The following ANXA8 variants were observed in gnomAD, a reference collection of about 807,000 sequenced individuals.
The protein encoded by ANXA8 is VAC-beta.
In ANXA8, 9 loss-of-function variants were observed where a neutral mutation model predicts 26.8. The observed-to-expected ratio is 0.34, with a 90% confidence interval of 0.20 to 0.59. The LOEUF (loss-of-function observed/expected upper bound fraction) is 0.59. Among genes scored for constraint, ANXA8 ranks in the 20% least tolerant of loss-of-function variants. The probability of loss-of-function intolerance (pLI) is 0.84; values close to 1 mark genes in which losing one functional copy is unlikely to be tolerated. For missense variants in ANXA8, 83 were observed against 238.5 expected, an observed-to-expected ratio of 0.35 and a Z score of 4.29; for synonymous variants, 39 against 94.8, an observed-to-expected ratio of 0.41 and a Z score of 3.42.
At chr10:47,769,720 G>T in the ANXA8 span, among the ~76,000 whole-genome samples, 1 of 152,308 alleles carries the variant, frequency 6.6e-6, no homozygotes, top group African/African-American at 2.4e-5. Flanking sequence ...TGGGAAGGCT[G>T]TTCTTTGGTT....
At chr10:47,658,012 G>A in the ANXA8 span, among the ~76,000 whole-genome samples, 41 of 151,812 alleles carry the variant, frequency 2.7e-4, no homozygotes, top group African/African-American at 9.0e-4. Context: ...GGTTTAAATC[G>A]TCTCTAGAAC....
the ANXA8 span, among the ~76,000 whole-genome samples, chr10:47,756,582 G>A: frequency 6.7e-6 from 1 of 149,894 alleles, no homozygotes; most frequent in African/African-American, 2.4e-5. Flanking sequence ...TGTACAGAGG[G>A]CTAAGATTTG....
chr10:47,688,384 G>C, the ANXA8 span, among the ~76,000 whole-genome samples: 1 of 147,076 alleles, frequency 6.8e-6, no homozygotes, highest in African/African-American at 2.5e-5. Context: ...CAAAGTGCTG[G>C]GATTACCGGT....
At chr10:47,646,328 A>G in the ANXA8 span, among the ~76,000 whole-genome samples, 1 of 140,764 alleles carries the variant, frequency 7.1e-6, no homozygotes, top group Non-Finnish European at 1.5e-5. Context: ...AGAGATAGCT[A>G]GCTACTCTCC....
chr10:47,948,759 T>C, the ANXA8 span, among the ~76,000 whole-genome samples: 1 of 151,004 alleles, frequency 6.6e-6, no homozygotes, highest in Non-Finnish European at 1.5e-5. Flanking sequence ...CCATCCATGA[T>C]GCTCAATAGA....
At chr10:47,680,367 G>A in the ANXA8 span, among the ~76,000 whole-genome samples, 1 of 151,924 alleles carries the variant, frequency 6.6e-6, no homozygotes, top group African/African-American at 2.4e-5. Context: ...CGGCGTGGTG[G>A]CTCATGCTGG....
chr10:47,763,734 G>T, the ANXA8 span: 3 of 149,326 alleles, frequency 2.0e-5, no homozygotes, highest in Admixed American at 2.0e-4. Context: ...GCCTCGAGGC[G>T]TCTGAGTGGG....
the ANXA8 span, among the ~76,000 whole-genome samples, chr10:47,676,465 A>G: frequency 6.6e-6 from 1 of 151,894 alleles, no homozygotes; most frequent in Non-Finnish European, 1.5e-5. Flanking sequence ...GAGCAACAGG[A>G]GAATAAAAGA....
chr10:47,743,751 G>C, the ANXA8 span, among the ~76,000 whole-genome samples: 1 of 150,420 alleles, frequency 6.6e-6, no homozygotes, highest in Non-Finnish European at 1.5e-5. Flanking sequence ...CGCTCTGCCA[G>C]CACCCCACGC....
the ANXA8 span, chr10:47,563,694 C>T: frequency 2.6e-5 from 21 of 803,108 alleles, no homozygotes; most frequent in South Asian, 2.3e-4. Flanking sequence ...GGTAGGTGAT[C>T]GCTTTTCTTG....
the ANXA8 span, among the ~76,000 whole-genome samples, chr10:47,767,819 G>T: frequency 4.0e-5 from 6 of 150,490 alleles, no homozygotes; most frequent in African/African-American, 1.2e-4. Flanking sequence ...AGCTAAGTCT[G>T]GGGCCATGGA....
chr10:47,469,293 T>TGAGAGTGAGGCA (rs1839232433), intron 11 of ANXA8, among the ~76,000 whole-genome samples: 1 of 151,504 alleles, frequency 6.6e-6, no homozygotes, highest in Admixed American at 6.6e-5. Context: ...GAATCAAGGC[T>TGAGAGTGAGGCA]GAGAGTGAGG....
the ANXA8 span, among the ~76,000 whole-genome samples, chr10:47,624,953 G>T: frequency 4.8e-5 from 1 of 20,982 alleles, no homozygotes; most frequent in South Asian, 2.6e-3. Context: ...TTGCTTGCTT[G>T]CATAAAAGCC....
chr10:47,950,318 C>G, the ANXA8 span, among the ~76,000 whole-genome samples: 1 of 152,108 alleles, frequency 6.6e-6, no homozygotes, highest in Non-Finnish European at 1.5e-5. Context: ...ATACTTGTTT[C>G]TCAGTAACTT....
chr10:47,485,589 T>C (rs1238511), upstream of ANXA8, among the ~76,000 whole-genome samples: 150,650 of 152,080 alleles, frequency 0.99, 74,621 homozygotes, highest in Middle Eastern at 1. Context: ...AACACCTTTT[T>C]TTCTCATTTC....
At chr10:47,703,340 G>T in the ANXA8 span, among the ~76,000 whole-genome samples, 1 of 151,730 alleles carries the variant, frequency 6.6e-6, no homozygotes, top group Admixed American at 6.6e-5. Context: ...GGCTGAGGCA[G>T]GTGGGTGGCT....
chr10:47,625,788 G>A, the ANXA8 span, among the ~76,000 whole-genome samples: 9 of 150,450 alleles, frequency 6.0e-5, no homozygotes, highest in Admixed American at 5.9e-4. Flanking sequence ...GTTATTCGCC[G>A]TAGCCACCAT....
the ANXA8 span, among the ~76,000 whole-genome samples, chr10:47,741,904 G>A: frequency 3.5e-5 from 4 of 114,940 alleles, no homozygotes; most frequent in Admixed American, 1.0e-4. Context: ...GCAATGGCAC[G>A]ATCTTGGCTC....
At chr10:47,497,928 G>A in the ANXA8 span, among the ~76,000 whole-genome samples, 10 of 152,124 alleles carry the variant, frequency 6.6e-5, no homozygotes, top group Non-Finnish European at 1.3e-4. Context: ...AATAGAGTGA[G>A]GGATCTCAAA....
Sources: allele counts gnomAD v4.1 joint callset (sites outside exome capture counted in the v4.1 genomes callset), GRCh38; gene constraint gnomAD v4.1.1; transcripts MANE v1.5; gene names NCBI Gene and HGNC (gene_info 2026-07-23, HGNC 2026-07-21).